Variants in BPIFC observed in about 807,000 individuals in gnomAD.
BPIFC encodes the protein BPI fold containing family C, also known as BPI fold-containing family C protein.
Under a neutral mutation model 57.6 loss-of-function variants are expected in BPIFC, and 60 were observed. The observed-to-expected ratio is 1.04, with a 90% CI of 0.85 to 1.29. The LOEUF is 1.29. BPIFC is among the 50% of genes most tolerant of loss of function. BPIFC has a pLI of 0.00. For synonymous variants in BPIFC, 243 were observed against 224.5 expected (o/e 1.08, Z -0.74); for missense variants, 581 against 600.5 (o/e 0.97, Z 0.34).
In BPIFC at chr22:32,419,819, A is replaced by C. The variant is rs1463828461; in HGVS notation, c.1218-415T>G. On this transcript the variant is annotated intron_variant, in intron 13 of 16. Transcript: ENST00000300399. ...AGACCCTGTCAAAAAAAAAAAAAAAAAAAAACAGATAAAAATAAAACACAC... is the reference window on the plus strand; with the variant it reads ...AGACCCTGTCAAAAAAAAAAAAAAACAAAAACAGATAAAAATAAAACACAC... Among the ~76,000 whole-genome samples, 8 of 150,470 alleles carry C rather than the reference A, an allele frequency of 5.3e-5. No homozygotes were observed. In the South Asian group the frequency reaches 1.0e-3, roughly 20 times the overall value.
Position 32,457,387 on chromosome 22 carries a change from C to G in BPIFC, c.1-1G>C, listed in dbSNP as rs760131514. On this transcript the variant is annotated splice_acceptor_variant, in intron 2 of 16. Transcript: ENST00000300399. LOFTEE classifies it low-confidence loss of function (5UTR_SPLICE). ...GGACTGGGATTGTCTTTGTACACAT[C>G]TGAAATTAACCAACAGTTAAGGTTC... is the stretch of plus-strand genomic sequence containing the variant. The G allele has an allele frequency of 1.2e-6, 2 of 1,606,020 alleles. No individual in the cohort carries two copies. The highest frequency in any genetic ancestry group is 1.3e-5 in the African/African-American group (1 of 74,404).
intron 1 of BPIFC, among the ~76,000 whole-genome samples, chr22:32,463,200 C>T (rs192743444): frequency 2.8e-4 from 43 of 152,142 alleles, no homozygotes; most frequent in South Asian, 1.5e-3. Context: ...TGTTCAGTTA[C>T]GATGATAACT....
intron 7 of BPIFC, among the ~76,000 whole-genome samples, chr22:32,443,672 G>A (rs1330470859): frequency 2.0e-5 from 3 of 152,218 alleles, no homozygotes; most frequent in African/African-American, 7.2e-5. Context: ...GTACAGCACA[G>A]GCTTGGCTGC....
At position 32,434,331 on chromosome 22, in the gene BPIFC, A is replaced by C. The variant is rs918029360; in HGVS notation, c.925-559T>G. On this transcript the variant is annotated intron_variant, in intron 10 of 16. Coordinates refer to ENST00000300399, the MANE Select transcript of BPIFC (RefSeq NM_174932.3). ...TATATATATATTACACTCTGTGTAC[A>C]TATTCTTCATTTATATATATTACAA... Among the ~76,000 whole-genome samples, 21 of 148,574 alleles carry C rather than the reference A, an allele frequency of 1.4e-4. 1 individual carries two copies. The South Asian group carries it at 1.9e-3, about 13-fold the overall frequency.
rs773712960 is a variant in BPIFC at position 32,415,904 on chromosome 22, T to C, written c.1401+11A>G. ...AATGGGTCAGTTAAGAGGTGAGATTTGCATTCTTACCTCAAGAACTTCAAT... is the reference window on the plus strand; with the variant it reads ...AATGGGTCAGTTAAGAGGTGAGATTCGCATTCTTACCTCAAGAACTTCAAT... On this transcript the variant is annotated intron_variant, in intron 16 of 16. Transcript: ENST00000300399. The C allele has an allele frequency of 6.4e-7, 1 of 1,552,228 alleles. No individual in the cohort carries two copies. Among genetic ancestry groups the C allele is most frequent in the South Asian group, 1.2e-5 (1 of 84,986 alleles).
Position 32,455,110 on chromosome 22 carries a change from G to GTGC in BPIFC, c.125-1610_125-1608dup, listed in dbSNP as rs1490964576. Among the ~76,000 whole-genome samples the GTGC allele has an allele frequency of 1.6e-4, 24 of 147,042 alleles. No homozygotes were observed. In the East Asian group the frequency reaches 3.3e-3, roughly 20 times the overall value. ...TCTGTCACCAGGCTGGAGTGTAGTG[G>GTGC]TGCGATCTCAGCTCACTGCAACCTC... On this transcript the variant is annotated intron_variant, in intron 3 of 16. Transcript: ENST00000300399.
rs1306388401 is a variant in BPIFC, at chr22:32,435,812, T to C, written c.816A>G (p.Glu272=). Residue 272 remains glutamate, a synonymous_variant, in exon 10 of 17, where the codon GAA becomes GAG. Transcript: ENST00000300399. ...PFSPVPFVLP[E]RSNSMLYIGI... ...CAATGTAGAGCATGGAGTTGCTGCG[T>C]TCTGGGAGCACAAAAGGAACTGGTG... 1 of 1,614,012 alleles carries C rather than the reference T, an allele frequency of 6.2e-7. No homozygotes were observed. The highest frequency in any genetic ancestry group is 2.2e-5 in the East Asian group (1 of 44,882).
intron 7 of BPIFC, among the ~76,000 whole-genome samples, chr22:32,443,538 T>C (rs1172267136): frequency 6.6e-6 from 1 of 152,210 alleles, no homozygotes; most frequent in African/African-American, 2.4e-5. Flanking sequence ...TAGAGATCTA[T>C]TTTGTTGCCA....
chr22:32,462,399 G>A (rs1327559345), intron 1 of BPIFC, among the ~76,000 whole-genome samples: 1 of 151,470 alleles, frequency 6.6e-6, no homozygotes, highest in East Asian at 1.9e-4. Context: ...AGTCAACTAA[G>A]AAAGGTTCTA....
intron 13 of BPIFC, among the ~76,000 whole-genome samples, chr22:32,428,129 G>A (rs74539232): frequency 0.022 from 3,377 of 152,100 alleles, 129 homozygotes; most frequent in African/African-American, 0.078. Flanking sequence ...TGTCTTTGGG[G>A]ACCTTTCTTC....
intron 1 of BPIFC, among the ~76,000 whole-genome samples, chr22:32,462,666 C>G (rs767628553): frequency 3.3e-5 from 5 of 152,172 alleles, no homozygotes; most frequent in Non-Finnish European, 5.9e-5. Context: ...TCCAAGATCC[C>G]ACAGTAAGTA....
At chr22:32,460,461 T>C (rs1004028702) in intron 2 of BPIFC, among the ~76,000 whole-genome samples, 1 of 152,204 alleles carries the variant, frequency 6.6e-6, no homozygotes, top group African/African-American at 2.4e-5. Context: ...GGTCTTCACC[T>C]GTCTGTGGGT....
intron 8 of BPIFC, 112 bp downstream of exon 8, chr22:32,442,559 A>G (rs1391209967): frequency 2.8e-6 from 3 of 1,076,408 alleles, no homozygotes; most frequent in Non-Finnish European, 2.8e-6. Flanking sequence ...TTTGCAGAAT[A>G]TGAAGCAGGA....
At chr22:32,461,109 G>A (rs1935150093) in intron 2 of BPIFC, among the ~76,000 whole-genome samples, 1 of 152,298 alleles carries the variant, frequency 6.6e-6, no homozygotes, top group East Asian at 1.9e-4. Flanking sequence ...GGGAGGACAG[G>A]GGATGTCTTA....
At chr22:32,446,693 A>G (rs1020277437) in intron 5 of BPIFC, 8 of 947,526 alleles carry the variant, frequency 8.4e-6, no homozygotes, top group Non-Finnish European at 1.0e-5. Flanking sequence ...TACACCCAGA[A>G]CAGTGATTTA....
intron 8 of BPIFC, 72 bp from the exon 9 acceptor site, chr22:32,437,923 A>G: frequency 1.3e-6 from 1 of 783,276 alleles, no homozygotes; most frequent in South Asian, 1.8e-5. Context: ...AATGATGTCT[A>G]TCTAGAACAA....
Position 32,456,592 on chromosome 22 carries a change from G to A in BPIFC, c.124+671C>T, listed in dbSNP as rs375714651. Among the ~76,000 whole-genome samples the A allele has an allele frequency of 2.0e-5, 3 of 152,124 alleles. No individual in the cohort carries two copies. In the East Asian group the frequency reaches 5.8e-4, roughly 29 times the overall value. On this transcript the variant is annotated intron_variant, in intron 3 of 16. Coordinates refer to ENST00000300399, the MANE Select transcript of BPIFC (RefSeq NM_174932.3). ...GCTTTAGTTAAAGAGGACTGAGAAAGCTCCATCATCAACCTACCCTTAGCT... is the reference window on the plus strand; with the variant it reads ...GCTTTAGTTAAAGAGGACTGAGAAAACTCCATCATCAACCTACCCTTAGCT...
At chr22:32,439,266 G>T (rs5749438) in intron 8 of BPIFC, among the ~76,000 whole-genome samples, 2 of 151,952 alleles carry the variant, frequency 1.3e-5, no homozygotes, top group African/African-American at 4.8e-5. Flanking sequence ...CGCAGGTTGC[G>T]GTGAGCCAAG....
intron 13 of BPIFC, among the ~76,000 whole-genome samples, chr22:32,428,000 A>G (rs1254586776): frequency 6.6e-6 from 1 of 152,062 alleles, no homozygotes; most frequent in Non-Finnish European, 1.5e-5. Flanking sequence ...ACAAAACAGA[A>G]CAAAACAAAA....
Sources: allele counts gnomAD v4.1 joint callset (sites outside exome capture counted in the v4.1 genomes callset), GRCh38; gene constraint gnomAD v4.1.1; transcripts MANE v1.5; gene names NCBI Gene and HGNC (gene_info 2026-07-23, HGNC 2026-07-21).